The following RELN variants were observed in gnomAD, a reference collection of about 807,000 sequenced individuals.
RELN encodes the protein reelin.
A neutral mutation model predicts 427.6 loss-of-function variants in RELN; 108 were observed. That is an observed-to-expected ratio of 0.25 (90% CI 0.22 to 0.30). RELN has a LOEUF of 0.30. Among genes scored for constraint, RELN ranks in the 10% least tolerant of loss-of-function variants. The pLI is 1.00. For missense variants in RELN, 3,715 were observed against 4,302.8 expected (o/e 0.86, Z 3.82); for synonymous variants, 1,524 against 1,513.4 (o/e 1.01, Z -0.16).
chr7:103,852,069 A>G (rs916906326), intron 2 of RELN, among the ~76,000 whole-genome samples: 1 of 152,194 alleles, frequency 6.6e-6, no homozygotes, highest in African/African-American at 2.4e-5. Flanking sequence ...CCACAGCAAG[A>G]TGGAACTTAC....
chr7:103,801,735 A>G (rs1167362426), intron 3 of RELN, among the ~76,000 whole-genome samples: 1 of 152,070 alleles, frequency 6.6e-6, no homozygotes. Flanking sequence ...ATAAAAAAAA[A>G]AAAGTGACAA....
intron 2 of RELN, among the ~76,000 whole-genome samples, chr7:103,846,194 C>T (rs1005847187): frequency 3.9e-5 from 6 of 152,212 alleles, no homozygotes; most frequent in Admixed American, 6.5e-5. Flanking sequence ...TACAAGGCTA[C>T]GGTAACAAAA....
chr7:103,821,520 G>A (rs1401159300), intron 3 of RELN, among the ~76,000 whole-genome samples: 1 of 152,134 alleles, frequency 6.6e-6, no homozygotes, highest in Admixed American at 6.6e-5. Flanking sequence ...CTATTATGGT[G>A]CTGAGATGAG....
intron 2 of RELN, among the ~76,000 whole-genome samples, chr7:103,841,125 A>G (rs1793541076): frequency 6.6e-6 from 1 of 152,228 alleles, no homozygotes. Context: ...GGGCAAAGAA[A>G]GTGGAGTTTA....
intron 11 of RELN, among the ~76,000 whole-genome samples, chr7:103,678,213 G>T (rs1477080254): frequency 6.6e-6 from 1 of 152,136 alleles, no homozygotes. Context: ...CGTTTGGGAT[G>T]AAAGGCAAAT....
At chr7:103,565,591 C>T in intron 33 of RELN, 40 bp from the exon 34 acceptor site, 1 of 1,596,240 alleles carries the variant, frequency 6.3e-7, no homozygotes, top group African/African-American at 1.3e-5. Flanking sequence ...TATATGTGTG[C>T]CATTTTCTTA....
At chr7:103,565,922 TA>T (rs1222628265) in intron 33 of RELN, among the ~76,000 whole-genome samples, 1 of 152,212 alleles carries the variant, frequency 6.6e-6, no homozygotes, top group Non-Finnish European at 1.5e-5. Context: ...TATCTTTTTT[TA>T]AACATAGAGT....
Position 103,574,290 on chromosome 7 carries a change from C to G in RELN, c.4313G>C (p.Gly1438Ala). ...FCDLGYTAAQ[G>A]TCVSNVPNHN... ...ATTGGGGACATTTGACACACAGGTT[C>G]CTTGTGCAGCTTCAGAAAAAGAAAT... Residue 1438 changes from glycine (G) to alanine (A), a missense_variant, in exon 30 of 65, where the codon GGA becomes GCA. This residue lies in a region of RELN where 2,208 missense variants were observed against 2,361.7 expected (regional missense o/e 0.93). Coordinates refer to ENST00000428762, the MANE Select transcript of RELN (RefSeq NM_005045.4). 1 of 1,613,932 alleles carries G rather than the reference C, an allele frequency of 6.2e-7. No homozygotes were observed. Among genetic ancestry groups the G allele is most frequent in the Non-Finnish European group, 8.5e-7 (1 of 1,179,872 alleles).
At chr7:103,864,429 A>G (rs1366051327) in intron 2 of RELN, among the ~76,000 whole-genome samples, 1 of 152,124 alleles carries the variant, frequency 6.6e-6, no homozygotes, top group African/African-American at 2.4e-5. Context: ...AAAACTTTAT[A>G]CCTCTTGAAC....
intron 16 of RELN, among the ~76,000 whole-genome samples, chr7:103,646,778 T>C (rs1832805595): frequency 6.6e-6 from 1 of 151,860 alleles, no homozygotes; most frequent in African/African-American, 2.4e-5. Flanking sequence ...ATGAAGTCAG[T>C]ATAAACCTGA....
At chr7:103,512,390 T>A (rs914659423) in intron 50 of RELN, among the ~76,000 whole-genome samples, 2 of 152,220 alleles carry the variant, frequency 1.3e-5, no homozygotes, top group Non-Finnish European at 2.9e-5. Context: ...CTTGGTAATG[T>A]TCTTAATATT....
At chr7:103,670,122 G>A (rs1833358955) in intron 11 of RELN, among the ~76,000 whole-genome samples, 1 of 152,042 alleles carries the variant, frequency 6.6e-6, no homozygotes, top group African/African-American at 2.4e-5. Flanking sequence ...GAAAGCTGAT[G>A]GTCTTCTCTA....
intron 24 of RELN, among the ~76,000 whole-genome samples, chr7:103,602,266 G>A (rs1054396176): frequency 6.6e-6 from 1 of 152,140 alleles, no homozygotes; most frequent in African/African-American, 2.4e-5. Context: ...TAAATCACCA[G>A]GAGGTTGAAT....
chr7:103,691,054 T>C (rs1325825748), intron 10 of RELN, among the ~76,000 whole-genome samples: 2 of 152,058 alleles, frequency 1.3e-5, no homozygotes, highest in African/African-American at 4.8e-5. Context: ...GCACAACAAA[T>C]ATAAGGCCAG....
In RELN at chr7:103,481,740, T is replaced by C. The variant is rs1586466327; in HGVS notation, c.10280+1133A>G. ...AATCTCTCTATGGCCTTACTGTACA[T>C]AGATTCATTTCAGCACCCAGGTTAT... On this transcript the variant is annotated intron_variant, in intron 63 of 64. Coordinates refer to ENST00000428762, the MANE Select transcript of RELN (RefSeq NM_005045.4). 4.6e-5 allele frequency among the ~76,000 whole-genome samples: 7 copies of C among 152,330 alleles called. No homozygotes were observed. In the South Asian group the frequency reaches 1.4e-3, roughly 32 times the overall value.
chr7:103,598,345 T>C (rs1320450776), intron 24 of RELN, among the ~76,000 whole-genome samples: 1 of 152,240 alleles, frequency 6.6e-6, no homozygotes, highest in Admixed American at 6.5e-5. Flanking sequence ...TTCCTGTTGT[T>C]GATTTGAAAT....
chr7:103,920,121 G>C (rs796912711), intron 1 of RELN, among the ~76,000 whole-genome samples: 4 of 152,126 alleles, frequency 2.6e-5, no homozygotes, highest in African/African-American at 9.6e-5. Flanking sequence ...AGACATTTTT[G>C]CAGTTTTCTG....
chr7:103,793,987 G>C (rs1792234923), intron 3 of RELN, among the ~76,000 whole-genome samples: 1 of 152,058 alleles, frequency 6.6e-6, no homozygotes, highest in Admixed American at 6.6e-5. Context: ...GGCTGGTCTT[G>C]AGCTCCTGGC....
intron 1 of RELN, among the ~76,000 whole-genome samples, chr7:103,974,041 G>A (rs1261069156): frequency 6.6e-6 from 1 of 152,208 alleles, no homozygotes; most frequent in East Asian, 1.9e-4. Flanking sequence ...TACTCGGGAG[G>A]CTGAGGCACA....
Sources: allele counts gnomAD v4.1 joint callset (sites outside exome capture counted in the v4.1 genomes callset), GRCh38; gene constraint gnomAD v4.1.1; regional missense constraint gnomAD v4.1.1; transcripts MANE v1.5; gene names NCBI Gene and HGNC (gene_info 2026-07-23, HGNC 2026-07-21).